The following ZNF765 variants were observed in gnomAD, a reference collection of about 807,000 sequenced individuals.
ZNF765 encodes zinc finger protein 765.
Under a neutral mutation model 44.7 loss-of-function variants are expected in ZNF765, and 37 were observed. The observed-to-expected ratio is 0.83, with a 90% confidence interval of 0.64 to 1.09. The LOEUF (loss-of-function observed/expected upper bound fraction) is 1.09, where lower values mean the gene tolerates loss of function less well. Ranked by LOEUF, ZNF765 falls within the 50% of genes least tolerant of loss-of-function variation. The pLI, the probability that ZNF765 is intolerant of heterozygous loss-of-function variation, is 0.00. For synonymous variants in ZNF765, 201 were observed against 213.7 expected (o/e 0.94, Z 0.52); for missense variants, 594 against 626.1 (o/e 0.95, Z 0.55).
exon 4 of ZNF765, chr19:53,423,128 C>A (rs1204254921): frequency 4.3e-6 from 3 of 700,206 alleles, no homozygotes; most frequent in Non-Finnish European, 7.8e-6. Context: ...TCACCATCAG[C>A]CCCAGGAGCT....
intron 2 of ZNF765, among the ~76,000 whole-genome samples, chr19:53,398,615 T>G (rs1032619898): frequency 2.0e-5 from 3 of 152,186 alleles, no homozygotes; most frequent in African/African-American, 7.2e-5. Flanking sequence ...GAAATCAACC[T>G]GAATAATAGC....
chr19:53,396,462 T>C (rs2085671648), intron 1 of ZNF765, among the ~76,000 whole-genome samples: 1 of 152,166 alleles, frequency 6.6e-6, no homozygotes, highest in East Asian at 1.9e-4. Context: ...AGAAGCAAAA[T>C]AAAAGCAGTT....
chr19:53,421,099 C>T (rs2085904175), intron 3 of ZNF765, among the ~76,000 whole-genome samples: 2 of 152,186 alleles, frequency 1.3e-5, no homozygotes, highest in Admixed American at 1.3e-4. Context: ...AAAACCGCCT[C>T]AGGGCTGGAG....
intron 2 of ZNF765, among the ~76,000 whole-genome samples, chr19:53,400,763 C>CATACATATATATATATATATATATATAT (rs374774697): frequency 8.6e-6 from 1 of 116,776 alleles, no homozygotes; most frequent in Non-Finnish European, 1.7e-5. Flanking sequence ...TATTTGTTGA[C>CATACATATATATATATATATATATATAT]ATATATATAT....
downstream of ZNF765, among the ~76,000 whole-genome samples, chr19:53,413,866 A>G (rs528042985): frequency 2.8e-5 from 4 of 141,302 alleles, no homozygotes; most frequent in African/African-American, 7.7e-5. Context: ...AGAAAAGTCA[A>G]GCTGGGAACT....
At chr19:53,401,057 G>A (rs1443964242) in intron 2 of ZNF765, among the ~76,000 whole-genome samples, 2 of 151,328 alleles carry the variant, frequency 1.3e-5, no homozygotes, top group African/African-American at 2.4e-5. Flanking sequence ...CTGTAGTGCA[G>A]TGGTGCGATT....
intron 3 of ZNF765, among the ~76,000 whole-genome samples, chr19:53,418,515 C>T (rs1475902182): frequency 6.6e-6 from 1 of 152,078 alleles, no homozygotes; most frequent in East Asian, 1.9e-4. Flanking sequence ...GCACACTGAG[C>T]TCACCATCCA....
intron 2 of ZNF765, among the ~76,000 whole-genome samples, chr19:53,399,156 A>G (rs1458142132): frequency 6.6e-6 from 1 of 151,880 alleles, no homozygotes; most frequent in Non-Finnish European, 1.5e-5. Flanking sequence ...ACATATGTAT[A>G]CATGTGCCAT....
chr19:53,426,323 C>T (rs1038136655), exon 4 of ZNF765: 2 of 152,164 alleles, frequency 1.3e-5, no homozygotes, highest in South Asian at 2.1e-4. Flanking sequence ...GGGAGATCCC[C>T]TGGCTTTTCT....
At chr19:53,414,502 C>G (rs1461039631), downstream of ZNF765, among the ~76,000 whole-genome samples, 1 of 50,966 alleles carries the variant, frequency 2.0e-5, no homozygotes, top group Non-Finnish European at 5.2e-5. Flanking sequence ...CCCCCCCCCC[C>G]CCCCCCCGGG....
chr19:53,409,561 AT>A lies in ZNF765; in HGVS notation c.*437del. The A allele has an allele frequency of 7.6e-7, 1 of 1,316,358 alleles. No homozygotes were observed. Among genetic ancestry groups the A allele is most frequent in the South Asian group, 1.2e-5 (1 of 84,880 alleles). 81.5% of individuals were successfully genotyped at this position (1,316,358 alleles called of 1,614,324 possible). ...CAAATGTGAAGAATTTGAGTTTTCC[AT>A]TTCAAATCAAACCTTGAAAGACAAA... On this transcript the variant is annotated 3_prime_UTR_variant, in exon 4 of 4. Transcript: ENST00000396408.
intron 3 of ZNF765, 62 bp downstream of exon 3, chr19:53,402,253 T>A (rs2085734566): frequency 4.8e-5 from 5 of 104,464 alleles, no homozygotes; most frequent in Non-Finnish European, 8.1e-5. Flanking sequence ...CTCTCCTTTT[T>A]TTTTTTTTTT....
exon 4 of ZNF765, chr19:53,424,949 C>G (rs2085930133): frequency 6.6e-6 from 1 of 152,376 alleles, no homozygotes; most frequent in South Asian, 2.1e-4. Context: ...CAGGCTTGAG[C>G]CACAGTGCCC....
At chr19:53,414,493 C>A (rs1185773796), downstream of ZNF765, among the ~76,000 whole-genome samples, 111 of 18,234 alleles carry the variant, frequency 6.1e-3, 1 homozygote, top group African/African-American at 8.8e-3. Flanking sequence ...ACACACACCC[C>A]CCCCCCCCCC....
intron 3 of ZNF765, among the ~76,000 whole-genome samples, chr19:53,422,537 A>G (rs2085913431): frequency 6.6e-6 from 1 of 152,154 alleles, no homozygotes; most frequent in African/African-American, 2.4e-5. Flanking sequence ...TTTCTGTTGC[A>G]TTTCAGCTGG....
chr19:53,401,853 G>A, intron 2 of ZNF765: 2 of 1,315,618 alleles, frequency 1.5e-6, no homozygotes, highest in Non-Finnish European at 2.1e-6. Context: ...TCCAGGCTGG[G>A]CAACAGAGTG....
chr19:53,421,181 G>A (rs2085904839), intron 3 of ZNF765, among the ~76,000 whole-genome samples: 1 of 152,190 alleles, frequency 6.6e-6, no homozygotes, highest in South Asian at 2.1e-4. Flanking sequence ...TCAAAGCACA[G>A]CACCTTTCCT....
chr19:53,403,355 T>G (rs984823910), intron 3 of ZNF765, among the ~76,000 whole-genome samples: 2 of 152,170 alleles, frequency 1.3e-5, no homozygotes, highest in Non-Finnish European at 2.9e-5. Context: ...TTATCTGTAT[T>G]TATTGTAGGT....
downstream of ZNF765, among the ~76,000 whole-genome samples, chr19:53,414,011 C>T (rs10410794): frequency 0.84 from 123,566 of 147,852 alleles, 52,109 homozygotes; most frequent in Non-Finnish European, 0.9. Flanking sequence ...GAGGCTGAGG[C>T]GGGCGGATCA....
Sources: allele counts gnomAD v4.1 joint callset (sites outside exome capture counted in the v4.1 genomes callset), GRCh38; gene constraint gnomAD v4.1.1; transcripts MANE v1.5; gene names NCBI Gene and HGNC (gene_info 2026-07-23, HGNC 2026-07-21).